The following NEGR1 variants were observed in gnomAD, a reference collection of about 807,000 sequenced individuals.
The protein encoded by NEGR1 is IgLON family member 4.
In NEGR1, 10 loss-of-function variants were observed where a neutral mutation model predicts 40.9. The ratio of observed to expected loss-of-function variants is 0.24; its 90% CI spans 0.15 to 0.42. The LOEUF is 0.42. Among genes scored for constraint, NEGR1 ranks in the 10% least tolerant of loss-of-function variants. The pLI is 1.00. For synonymous variants in NEGR1, 185 were observed against 166.8 expected (o/e 1.11, Z -0.84); for missense variants, 352 against 438.9 (o/e 0.80, Z 1.77).
intron 3 of NEGR1, among the ~76,000 whole-genome samples, chr1:71,718,828 T>G (rs1380911310): frequency 6.6e-6 from 1 of 152,186 alleles, no homozygotes; most frequent in Admixed American, 6.5e-5. Flanking sequence ...CTTATTCTTA[T>G]ATTTCATTCT....
At chr1:71,698,248 A>T in intron 3 of NEGR1, 109 bp from the exon 4 acceptor site, 1 of 929,272 alleles carries the variant, frequency 1.1e-6, no homozygotes, top group Non-Finnish European at 1.6e-6. Flanking sequence ...ACAATTCCAA[A>T]TGAAACTGGG....
At chr1:72,272,205 T>C (rs1166760109) in intron 1 of NEGR1, among the ~76,000 whole-genome samples, 1 of 151,802 alleles carries the variant, frequency 6.6e-6, no homozygotes, top group Non-Finnish European at 1.5e-5. Context: ...TGATGAGAAG[T>C]CACTAATACA....
At chr1:71,970,292 C>T (rs973228165) in intron 1 of NEGR1, among the ~76,000 whole-genome samples, 18 of 151,952 alleles carry the variant, frequency 1.2e-4, no homozygotes, top group African/African-American at 4.4e-4. Flanking sequence ...TCCTGGTGGG[C>T]CCTAAATGTT....
intron 1 of NEGR1, among the ~76,000 whole-genome samples, chr1:71,995,329 C>T (rs1416493436): frequency 6.6e-6 from 1 of 151,992 alleles, no homozygotes; most frequent in African/African-American, 2.4e-5. Flanking sequence ...CAGGAAATAG[C>T]CCATGAAGGA....
intron 6 of NEGR1, among the ~76,000 whole-genome samples, chr1:71,565,348 G>A (rs927361637): frequency 1.3e-5 from 2 of 152,156 alleles, no homozygotes; most frequent in African/African-American, 4.8e-5. Context: ...TTCTATGTAT[G>A]TATACACAAT....
intron 2 of NEGR1, 119 bp downstream of exon 2, chr1:71,934,960 T>C: frequency 1.5e-6 from 1 of 662,374 alleles, no homozygotes. Context: ...ATTCAACAAA[T>C]ATTTCAATGA....
intron 2 of NEGR1, among the ~76,000 whole-genome samples, chr1:71,888,026 CACACACACA>C (rs1210525453): frequency 6.6e-6 from 1 of 151,248 alleles, no homozygotes; most frequent in Non-Finnish European, 1.5e-5. Context: ...CACACACACA[CACACACACA>C]CCTCTAGAAT....
chr1:71,577,116 A>AT (rs530691895), intron 6 of NEGR1, among the ~76,000 whole-genome samples: 121 of 152,124 alleles, frequency 8.0e-4, no homozygotes, highest in African/African-American at 2.7e-3. Flanking sequence ...CAGAATTGTA[A>AT]TTTTTTTTGT....
At chr1:71,822,459 C>G (rs1557665916) in intron 2 of NEGR1, among the ~76,000 whole-genome samples, 2 of 151,964 alleles carry the variant, frequency 1.3e-5, no homozygotes, top group Non-Finnish European at 2.9e-5. Flanking sequence ...AACAAAGTGT[C>G]TATGATGTCA....
chr1:71,472,872 G>T (rs373381105), intron 6 of NEGR1, among the ~76,000 whole-genome samples: 1 of 151,778 alleles, frequency 6.6e-6, no homozygotes, highest in Non-Finnish European at 1.5e-5. Context: ...TATATAAAAC[G>T]TAAATATACA....
chr1:71,635,265 G>A (rs1038656313), intron 4 of NEGR1, among the ~76,000 whole-genome samples: 7 of 151,960 alleles, frequency 4.6e-5, no homozygotes, highest in South Asian at 2.1e-4. Context: ...AGCCTCTCCC[G>A]ACTTTAACCA....
intron 6 of NEGR1, chr1:71,422,692 A>C (rs959694766): frequency 3.3e-5 from 5 of 152,178 alleles, no homozygotes; most frequent in Non-Finnish European, 7.3e-5. Flanking sequence ...AAAACGTGGA[A>C]TATTATAGAA....
chr1:71,704,684 T>C (rs968131958), intron 3 of NEGR1, among the ~76,000 whole-genome samples: 2 of 151,964 alleles, frequency 1.3e-5, no homozygotes, highest in Admixed American at 6.5e-5. Flanking sequence ...TTCAAGATCA[T>C]ATCTCTATTA....
chr1:72,157,716 T>C (rs1309124651), intron 1 of NEGR1, among the ~76,000 whole-genome samples: 2 of 152,142 alleles, frequency 1.3e-5, no homozygotes, highest in Admixed American at 1.3e-4. Flanking sequence ...CCATAGCCAC[T>C]GCTCACTATG....
intron 4 of NEGR1, among the ~76,000 whole-genome samples, chr1:71,636,516 T>C (rs1651156203): frequency 6.6e-6 from 1 of 152,082 alleles, no homozygotes; most frequent in Non-Finnish European, 1.5e-5. Flanking sequence ...CATGAATTGA[T>C]GGATTGACAG....
chr1:71,475,997 AAAC>A (rs1447464754), intron 6 of NEGR1, among the ~76,000 whole-genome samples: 2 of 152,072 alleles, frequency 1.3e-5, no homozygotes, highest in African/African-American at 4.8e-5. Context: ...TGGAGTTTAT[AAAC>A]TTGATTTATC....
chr1:71,935,391 C>A (rs957047178), intron 1 of NEGR1, 80 bp from the exon 2 acceptor site: 7 of 990,188 alleles, frequency 7.1e-6, no homozygotes, highest in African/African-American at 1.6e-5. Flanking sequence ...GTGTTTTTTT[C>A]TTTTGCTGAA....
chr1:72,133,215 C>T (rs1451887925), intron 1 of NEGR1, among the ~76,000 whole-genome samples: 2 of 151,926 alleles, frequency 1.3e-5, no homozygotes, highest in South Asian at 2.1e-4. Flanking sequence ...ACCATAAATT[C>T]GATTAAATTT....
At chr1:71,700,347 T>C (rs1653647187) in intron 3 of NEGR1, among the ~76,000 whole-genome samples, 2 of 152,008 alleles carry the variant, frequency 1.3e-5, no homozygotes, top group Admixed American at 1.3e-4. Context: ...ATGCCTTATT[T>C]GTATACAACT....
Sources: gnomAD v4.1 joint callset for allele counts (sites outside exome capture counted in the v4.1 genomes callset) on GRCh38, gnomAD v4.1.1 for gene constraint, MANE v1.5 for transcripts, NCBI Gene and HGNC (gene_info 2026-07-23, HGNC 2026-07-21) for gene names.